MTR: variants seen among roughly 807,000 people sequenced by gnomAD.
MTR encodes the protein methionine synthase.
Under a neutral mutation model 154.8 loss-of-function variants are expected in MTR, and 84 were observed. The observed-to-expected ratio is 0.54, with a 90% CI of 0.45 to 0.65. The LOEUF is 0.65. MTR is among the 30% of genes least tolerant of loss of function. The pLI, the probability that MTR is intolerant of heterozygous loss-of-function variation, is 0.00. For synonymous variants in MTR, 554 were observed against 553.9 expected (o/e 1.00, Z 0.00); for missense variants, 1,275 against 1,570.2 (o/e 0.81, Z 3.18).
At chr1:236,797,355 C>G (rs562693751) in intron 1 of MTR, among the ~76,000 whole-genome samples, 5 of 152,280 alleles carry the variant, frequency 3.3e-5, no homozygotes, top group African/African-American at 1.2e-4. Context: ...TGACTTCAGA[C>G]CATGGTTGTG....
rs773271317 is a variant in MTR at position 236,815,674 on chromosome 1, A to C, written c.669+11A>C. The C allele has an allele frequency of 1.6e-5, 26 of 1,582,060 alleles. No homozygotes were observed. Among genetic ancestry groups the C allele is most frequent in the Non-Finnish European group, 2.2e-5 (26 of 1,171,632 alleles). Reference sequence around the variant, plus strand: ...CCCCGGCCTATCTTTGTAAGTTCTAAAGTGTTTGCACAATACATTCTTTTA... The same window carrying C: ...CCCCGGCCTATCTTTGTAAGTTCTACAGTGTTTGCACAATACATTCTTTTA... On this transcript the variant is annotated intron_variant, in intron 7 of 32. Transcript: ENST00000366577.
At chr1:236,818,008 G>C (rs963189564) in intron 8 of MTR, among the ~76,000 whole-genome samples, 12 of 152,098 alleles carry the variant, frequency 7.9e-5, no homozygotes, top group African/African-American at 2.9e-4. Context: ...GAAATGTAGA[G>C]GTCTCTGAAG....
At chr1:236,836,687 G>A (rs140302000) in intron 14 of MTR, among the ~76,000 whole-genome samples, 231 of 152,202 alleles carry the variant, frequency 1.5e-3, no homozygotes, top group African/African-American at 5.4e-3. Context: ...AATTACATTT[G>A]TCCATCTTTC....
At chr1:236,876,862 G>A (rs372766044) in intron 24 of MTR, among the ~76,000 whole-genome samples, 8 of 152,160 alleles carry the variant, frequency 5.3e-5, no homozygotes, top group Non-Finnish European at 1.0e-4. Flanking sequence ...CAGTTACTGC[G>A]AAATATCTAT....
intron 25 of MTR, among the ~76,000 whole-genome samples, chr1:236,881,261 A>G (rs547285725): frequency 6.6e-6 from 1 of 152,204 alleles, no homozygotes; most frequent in Non-Finnish European, 1.5e-5. Context: ...CATCTGCTAG[A>G]TATTTAAAAC....
chr1:236,797,537 TTGA>T (rs1390983519), intron 1 of MTR, among the ~76,000 whole-genome samples: 1 of 152,126 alleles, frequency 6.6e-6, no homozygotes, highest in Non-Finnish European at 1.5e-5. Context: ...TTGGTATCAA[TTGA>T]TGAGTGATTA....
Position 236,859,813 on chromosome 1 carries a change from T to C in MTR, c.1954-20T>C. 4 of 1,598,234 alleles carry C rather than the reference T, an allele frequency of 2.5e-6. No individual in the cohort carries two copies. The highest frequency in any genetic ancestry group is 3.4e-6 in the Non-Finnish European group (4 of 1,165,628). Reference sequence around the variant, plus strand: ...TTAGTGATGAGTTGTATCCATTTCTTGGTTTCAATTTCAATTCAGACTCAA... The same window carrying C: ...TTAGTGATGAGTTGTATCCATTTCTCGGTTTCAATTTCAATTCAGACTCAA... On this transcript the variant is annotated intron_variant, in intron 18 of 32. Transcript: ENST00000366577.
intron 24 of MTR, among the ~76,000 whole-genome samples, chr1:236,877,436 AC>A (rs968599575): frequency 2.0e-5 from 3 of 152,168 alleles, no homozygotes; most frequent in Non-Finnish European, 4.4e-5. Flanking sequence ...AACAAAAGTA[AC>A]CACTGTTCTT....
At chr1:236,839,075 A>G (rs556519011) in intron 15 of MTR, among the ~76,000 whole-genome samples, 7 of 152,384 alleles carry the variant, frequency 4.6e-5, no homozygotes, top group African/African-American at 1.7e-4. Context: ...TATATGATCC[A>G]TCATTGACTT....
intron 28 of MTR, among the ~76,000 whole-genome samples, chr1:236,889,583 A>C (rs748176321): frequency 1.3e-5 from 2 of 152,218 alleles, no homozygotes; most frequent in Non-Finnish European, 2.9e-5. Context: ...CATGCTGAGC[A>C]CTAGGGATAA....
intron 1 of MTR, 53 bp downstream of exon 1, chr1:236,795,790 G>A (rs753697706): frequency 7.4e-6 from 12 of 1,613,156 alleles, no homozygotes; most frequent in Non-Finnish European, 1.0e-5. Context: ...AACTCGTGCT[G>A]TGGCCTCCTA....
chr1:236,855,755 T>G (rs1316642895), intron 18 of MTR, among the ~76,000 whole-genome samples: 1 of 152,212 alleles, frequency 6.6e-6, no homozygotes, highest in Non-Finnish European at 1.5e-5. Context: ...AGTAGCCAGA[T>G]GGACATGACA....
At chr1:236,797,989 CA>C (rs59947353) in intron 1 of MTR, among the ~76,000 whole-genome samples, 1 of 150,304 alleles carries the variant, frequency 6.7e-6, no homozygotes, top group African/African-American at 2.4e-5. Context: ...AAAACAAAAC[CA>C]AAAAAACAAA....
intron 27 of MTR, among the ~76,000 whole-genome samples, chr1:236,886,819 G>C (rs908184761): frequency 5.3e-5 from 8 of 152,186 alleles, no homozygotes; most frequent in African/African-American, 1.9e-4. Context: ...GGTGGCCTGG[G>C]TCTTTCGCAG....
intron 1 of MTR, among the ~76,000 whole-genome samples, chr1:236,798,324 C>T (rs1349015356): frequency 6.6e-6 from 1 of 152,152 alleles, no homozygotes; most frequent in Non-Finnish European, 1.5e-5. Flanking sequence ...TTTGTTTAGG[C>T]CTTCATCTTG....
At chr1:236,795,859 G>C in intron 1 of MTR, 122 bp downstream of exon 1, 1 of 1,483,606 alleles carries the variant, frequency 6.7e-7, no homozygotes, top group East Asian at 2.4e-5. Flanking sequence ...CCCCGCGTGT[G>C]GGCGGCACCT....
At chr1:236,805,403 A>G (rs541762417) in intron 2 of MTR, among the ~76,000 whole-genome samples, 54 of 152,296 alleles carry the variant, frequency 3.5e-4, no homozygotes, top group African/African-American at 1.2e-3. Context: ...AGGTTCTGCC[A>G]AAGCAGGAAG....
intron 22 of MTR, among the ~76,000 whole-genome samples, chr1:236,871,108 T>G (rs1190228905): frequency 2.0e-5 from 3 of 152,202 alleles, no homozygotes; most frequent in African/African-American, 7.2e-5. Flanking sequence ...CTCTCTTCGC[T>G]CAGTAAAACT....
At position 236,810,554 on chromosome 1, in the gene MTR, C is replaced by G. The variant is rs1311934439; in HGVS notation, c.461C>G (p.Ser154Cys). ...CTGGGTCCGACTAATAAGACACTCT[C>G]TGTGTCCCCATCTGTGGAAAGGCCG... is the stretch of plus-strand genomic sequence containing the variant. ...GALGPTNKTL[S>C]VSPSVERPDY... The change falls in exon 5 of 33, where the codon TCT (serine) becomes TGT (cysteine). Residue 154 changes from serine (S) to cysteine (C), a missense_variant. Physicochemically the swap from Ser to Cys is moderately radical, Grantham distance 112 (BLOSUM62 -1). Coordinates refer to ENST00000366577, the MANE Select transcript of MTR (RefSeq NM_000254.3). 6.2e-7 allele frequency: 1 copy of G among 1,613,850 alleles called. No homozygotes were observed. The highest frequency in any genetic ancestry group is 8.5e-7 in the Non-Finnish European group (1 of 1,179,806).
Sources: allele counts gnomAD v4.1 joint callset (sites outside exome capture counted in the v4.1 genomes callset), GRCh38; gene constraint gnomAD v4.1.1; transcripts MANE v1.5; gene names NCBI Gene and HGNC (gene_info 2026-07-23, HGNC 2026-07-21).